The following SARS2 variants were observed in gnomAD, a reference collection of about 807,000 sequenced individuals.
SARS2 encodes the protein serine--tRNA ligase, mitochondrial.
Under a neutral mutation model 66.8 loss-of-function variants are expected in SARS2, and 52 were observed. The observed-to-expected ratio is 0.78, with a 90% CI of 0.62 to 0.98. The LOEUF is 0.98. Ranked by LOEUF, SARS2 falls within the 50% of genes least tolerant of loss-of-function variation. SARS2 has a pLI of 0.00. For synonymous variants in SARS2, 306 were observed against 281.4 expected (o/e 1.09, Z -0.87); for missense variants, 673 against 706.3 (o/e 0.95, Z 0.53).
intron 2 of SARS2, among the ~76,000 whole-genome samples, chr19:38,922,557 AG>A (rs1406286967): frequency 6.6e-6 from 1 of 152,180 alleles, no homozygotes; most frequent in Non-Finnish European, 1.5e-5. Context: ...AATCCACTTT[AG>A]GAGGTAGGCA....
intron 7 of SARS2, among the ~76,000 whole-genome samples, chr19:38,919,223 G>A (rs1974474704): frequency 6.6e-6 from 1 of 152,168 alleles, no homozygotes; most frequent in African/African-American, 2.4e-5. Context: ...GGAGGTGGAG[G>A]TTGCAGTGAG....
chr19:38,929,416 C>A (rs926294807), intron 1 of SARS2, among the ~76,000 whole-genome samples: 8 of 148,590 alleles, frequency 5.4e-5, no homozygotes, highest in African/African-American at 2.0e-4. Flanking sequence ...TTTAGCCGGG[C>A]GTGGTGGTGT....
chr19:38,923,378 C>T lies in SARS2; in HGVS notation c.364-1111G>A, dbSNP rs141830837. 4.5e-3 allele frequency among the ~76,000 whole-genome samples: 671 copies of T among 149,260 alleles called. 1 individual carries two copies. The highest frequency in any genetic ancestry group is 7.5e-3 in the Non-Finnish European group (504 of 67,378). On this transcript the variant is annotated intron_variant, in intron 2 of 15. Coordinates refer to ENST00000221431, the MANE Select transcript of SARS2 (RefSeq NM_017827.4). ...CTGGGACTACAGGCGCCCGCCACTA[C>T]GCCCGGCTAATTTTTTTGTATTTTT...
At chr19:38,927,306 T>A (rs1295734237) in intron 1 of SARS2, among the ~76,000 whole-genome samples, 2 of 151,666 alleles carry the variant, frequency 1.3e-5, no homozygotes, top group Non-Finnish European at 1.5e-5. Context: ...ACAAAAAAAA[T>A]TGTTACAATG....
intron 12 of SARS2, among the ~76,000 whole-genome samples, chr19:38,916,885 AC>A (rs1974427910): frequency 6.8e-6 from 1 of 147,268 alleles, no homozygotes; most frequent in South Asian, 2.2e-4. Context: ...CTGGTCTTGA[AC>A]TCCTGACCTC....
chr19:38,920,816 CAGACACATACACACAGACACAGAGAA>C (rs915460526), intron 5 of SARS2, among the ~76,000 whole-genome samples: 3 of 151,442 alleles, frequency 2.0e-5, no homozygotes, highest in African/African-American at 7.3e-5. Flanking sequence ...CACACAGAGA[CAGACACATACACACAGACACAGAGAA>C]AGACACACAG....
In SARS2 at chr19:38,922,087, A is replaced by G. The variant is rs992359456; in HGVS notation, c.393+151T>C. 3.1e-6 allele frequency: 5 copies of G among 1,599,046 alleles called. No individual in the cohort carries two copies. In the South Asian group the frequency reaches 5.6e-5, roughly 18 times the overall value. On this transcript the variant is annotated intron_variant, in intron 3 of 15. Coordinates refer to ENST00000221431, the MANE Select transcript of SARS2 (RefSeq NM_017827.4). ...CCTGGATCCAGCCGCACCTGAAGCCAGTTTTAGTTTCATGCATCAATAGAG... is the reference window on the plus strand; with the variant it reads ...CCTGGATCCAGCCGCACCTGAAGCCGGTTTTAGTTTCATGCATCAATAGAG...
At chr19:38,916,398 G>T in intron 12 of SARS2, 84 bp from the exon 13 acceptor site, 2 of 1,278,580 alleles carry the variant, frequency 1.6e-6, no homozygotes, top group Non-Finnish European at 2.2e-6. Flanking sequence ...GGAAGAGAAG[G>T]CAGCCAAAAA....
intron 1 of SARS2, chr19:38,930,003 C>T (rs894019548): frequency 2.5e-5 from 4 of 160,960 alleles, no homozygotes; most frequent in African/African-American, 9.6e-5. Context: ...TTCATTCATT[C>T]ATTAACTCTA....
At chr19:38,930,379 C>A in intron 1 of SARS2, 91 bp downstream of exon 1, 1 of 1,463,890 alleles carries the variant, frequency 6.8e-7, no homozygotes, top group East Asian at 2.3e-5. Context: ...ATTCCTACTA[C>A]AGGTTCGCCC....
intron 2 of SARS2, among the ~76,000 whole-genome samples, chr19:38,925,675 C>T (rs1974614232): frequency 6.6e-6 from 1 of 152,178 alleles, no homozygotes; most frequent in African/African-American, 2.4e-5. Flanking sequence ...GAGGAAAGAT[C>T]AGTGCAGTGA....
In SARS2 at chr19:38,917,719, C is replaced by A; in HGVS notation, c.1160+5G>T. 6.3e-7 allele frequency: 1 copy of A among 1,594,620 alleles called. No individual in the cohort carries two copies. The highest frequency in any genetic ancestry group is 8.6e-7 in the Non-Finnish European group (1 of 1,163,572). On this transcript the variant is annotated splice_donor_5th_base_variant and intron_variant, in intron 12 of 15. Coordinates refer to ENST00000221431, the MANE Select transcript of SARS2 (RefSeq NM_017827.4). ...CATCCCTGGATCCCTGGCCCCTCTC[C>A]ACACCGGAAGTGCAAGCCCAGCTCT... is the stretch of plus-strand genomic sequence containing the variant.
At chr19:38,929,306 G>A (rs533345953) in intron 1 of SARS2, among the ~76,000 whole-genome samples, 1 of 152,110 alleles carries the variant, frequency 6.6e-6, no homozygotes, top group South Asian at 2.1e-4. Flanking sequence ...TGTAATCTCA[G>A]CATTTTGGGA....
intron 12 of SARS2, among the ~76,000 whole-genome samples, chr19:38,916,664 GTTTTTTT>G (rs71165593): frequency 7.5e-6 from 1 of 133,836 alleles, no homozygotes; most frequent in Non-Finnish European, 1.6e-5. Flanking sequence ...GGCACCCTCG[GTTTTTTT>G]TTTTTTTTTG....
In SARS2 at chr19:38,915,755, G is replaced by A. The variant is rs1230960932; in HGVS notation, c.1414-6C>T. 8 of 1,613,158 alleles carry A rather than the reference G, an allele frequency of 5.0e-6. No homozygotes were observed. Among genetic ancestry groups the A allele is most frequent in the African/African-American group, 2.7e-5 (2 of 74,936 alleles). ...GGCACGAGCACTGAGCCGTCCTGGGGACAGAGCAGACCTCAGGACACTGCA... is the reference window on the plus strand; with the variant it reads ...GGCACGAGCACTGAGCCGTCCTGGGAACAGAGCAGACCTCAGGACACTGCA... On this transcript the variant is annotated splice_polypyrimidine_tract_variant and splice_region_variant and intron_variant, in intron 15 of 15. Coordinates refer to ENST00000221431, the MANE Select transcript of SARS2 (RefSeq NM_017827.4).
intron 12 of SARS2, among the ~76,000 whole-genome samples, chr19:38,917,298 A>T (rs1052680144): frequency 1.3e-5 from 2 of 152,236 alleles, no homozygotes; most frequent in Admixed American, 6.5e-5. Context: ...CCCAGAAAAG[A>T]AGTCCACATT....
chr19:38,917,816 C>T lies in SARS2; in HGVS notation c.1068G>A (p.Val356=). 2 of 1,614,168 alleles carry T rather than the reference C, an allele frequency of 1.2e-6. 1 individual carries two copies. The highest frequency in any genetic ancestry group is 2.2e-5 in the South Asian group (2 of 91,074). Residue 356 remains valine (V), a synonymous_variant, in exon 12 of 16, where the codon GTG becomes GTA. Transcript: ENST00000221431. ...HHFTKVEMFG[V]TGPGLEQSSQ... is the part of the protein sequence containing the mutation. Reference sequence around the variant, plus strand: ...AGCTCTGCTCCAGCCCAGGGCCTGTCACCCCAAACATCTCCACCTGGGACA... The same window carrying T: ...AGCTCTGCTCCAGCCCAGGGCCTGTTACCCCAAACATCTCCACCTGGGACA...
Position 38,922,244 on chromosome 19 carries a change from C to T in SARS2, c.387G>A (p.Val129=), listed in dbSNP as rs1409848197. 1 of 1,614,146 alleles carries T rather than the reference C, an allele frequency of 6.2e-7. No homozygotes were observed. Among genetic ancestry groups the T allele is most frequent in the Non-Finnish European group, 8.5e-7 (1 of 1,180,020 alleles). Residue 129 remains valine (V), a synonymous_variant, in exon 3 of 16, where the codon GTG becomes GTA. Transcript: ENST00000221431. ...ALLANQDSGE[V]QQDPKYQGLR... is the part of the protein sequence containing the mutation. ...CATCAACTCTTCACAGTACCTGCTG[C>T]ACTTCACCACTGTCCTGGTTTGCCT...
In SARS2 at chr19:38,930,516, A is replaced by G; in HGVS notation, c.221T>C (p.Leu74Pro). The G allele has an allele frequency of 1.9e-6, 3 of 1,612,616 alleles. No homozygotes were observed. Among genetic ancestry groups the G allele is most frequent in the Non-Finnish European group, 2.5e-6 (3 of 1,179,654 alleles). ...CACPEEAAHA[L>P]ELRKGELRSA... is the part of the protein sequence containing the mutation. ...GCGCAGCTCCCCCTTGCGGAGCTCC[A>G]GGGCGTGTGCGGCCTCTTCTGGGCA... is the stretch of plus-strand genomic sequence containing the variant. Residue 74 changes from leucine to proline, a missense_variant, in exon 1 of 16, where the codon CTG becomes CCG. Leu to Pro is a moderately conservative substitution (Grantham distance 98, BLOSUM62 -3). Transcript: ENST00000221431.
Sources: allele counts gnomAD v4.1 joint callset (sites outside exome capture counted in the v4.1 genomes callset), GRCh38; gene constraint gnomAD v4.1.1; transcripts MANE v1.5; gene names NCBI Gene and HGNC (gene_info 2026-07-23, HGNC 2026-07-21).